Variants in CD99L2 observed in about 807,000 individuals in gnomAD.
CD99L2 encodes the protein CD99 antigen-like protein 2.
Under a neutral mutation model 27.3 loss-of-function variants are expected in CD99L2, and 24 were observed. The observed-to-expected ratio is 0.88, with a 90% CI of 0.64 to 1.24. CD99L2 has a LOEUF of 1.24. Among genes scored for constraint, CD99L2 ranks in the 50% most tolerant of loss-of-function variants. The pLI, the probability that CD99L2 is intolerant of heterozygous loss-of-function variation, is 0.00. For synonymous variants in CD99L2, 97 were observed against 87.9 expected (o/e 1.10, Z -0.58); for missense variants, 255 against 221.6 (o/e 1.15, Z -0.96).
At position 150,776,192 on chromosome X, in the gene CD99L2, ACTT is replaced by A. The variant is rs2043548850; in HGVS notation, c.634_636del (p.Lys212del). The A allele has an allele frequency of 2.5e-6, 3 of 1,211,297 alleles. No homozygotes were observed. Among genetic ancestry groups the A allele is most frequent in the South Asian group, 1.8e-5 (1 of 56,916 alleles). ...CACTTACGCTGAATGCTGAAGCAGA[ACTT>A]CTTCTGCTGGTAGGAGATGTAGCTG... On this transcript the variant is annotated inframe_deletion, in exon 9 of 11. Coordinates refer to ENST00000370377, the MANE Select transcript of CD99L2 (RefSeq NM_031462.4).
chrX:150,897,974 G>C (rs1026954984), intron 1 of CD99L2, among the ~76,000 whole-genome samples: 1 of 104,852 alleles, frequency 9.5e-6, no homozygotes, highest in Non-Finnish European at 1.9e-5. Context: ...CCTGCTCCTT[G>C]GCAAAACATG....
intron 1 of CD99L2, among the ~76,000 whole-genome samples, chrX:150,848,981 G>C (rs1416879975): frequency 9.0e-6 from 1 of 111,431 alleles, no homozygotes; most frequent in Non-Finnish European, 1.9e-5. Context: ...CGCACCAGGA[G>C]ATCCTGTCTC....
chrX:150,857,074 A>G (rs1478927994), intron 1 of CD99L2, among the ~76,000 whole-genome samples: 1 of 111,888 alleles, frequency 8.9e-6, no homozygotes, highest in Non-Finnish European at 1.9e-5. Context: ...AAAAATAAAG[A>G]AAAAAGATAA....
intron 1 of CD99L2, among the ~76,000 whole-genome samples, chrX:150,898,075 A>G (rs1557423127): frequency 2.6e-5 from 1 of 38,707 alleles, no homozygotes; most frequent in East Asian, 1.0e-3. Flanking sequence ...CCCCCCCCAC[A>G]GCCCATGCCC....
At chrX:150,814,655 A>G (rs186831362) in intron 4 of CD99L2, among the ~76,000 whole-genome samples, 110 of 112,227 alleles carry the variant, frequency 9.8e-4, no homozygotes, top group African/African-American at 3.5e-3. Context: ...GGTAAACGTG[A>G]CCCACATAAA....
At chrX:150,804,333 G>A (rs2045962907) in intron 4 of CD99L2, among the ~76,000 whole-genome samples, 1 of 112,141 alleles carries the variant, frequency 8.9e-6, no homozygotes, top group African/African-American at 3.2e-5. Context: ...AATCAAAAGG[G>A]AAATCAAAAA....
At chrX:150,770,174 GC>G in intron 10 of CD99L2, 129 bp downstream of exon 10, 1 of 608,949 alleles carries the variant, frequency 1.6e-6, no homozygotes. Flanking sequence ...ATCAGGGCAG[GC>G]TTTTGCTCTG....
chrX:150,878,625 G>T (rs140563644), intron 1 of CD99L2, among the ~76,000 whole-genome samples: 1,736 of 110,571 alleles, frequency 0.016, 42 homozygotes, highest in African/African-American at 0.055. Flanking sequence ...AGTGCAATCG[G>T]AATCCCAACG....
chrX:150,804,519 G>A (rs1263390410), intron 4 of CD99L2, among the ~76,000 whole-genome samples: 2 of 111,237 alleles, frequency 1.8e-5, no homozygotes, highest in Admixed American at 1.9e-4. Context: ...GACCATGGTG[G>A]GCAGATCACG....
intron 1 of CD99L2, among the ~76,000 whole-genome samples, chrX:150,858,472 T>A (rs1378160685): frequency 8.9e-6 from 1 of 112,873 alleles, no homozygotes; most frequent in African/African-American, 3.2e-5. Context: ...AGTCAGTGAA[T>A]CTTTTTAAAA....
At chrX:150,854,086 G>C (rs2124300621) in intron 1 of CD99L2, among the ~76,000 whole-genome samples, 1 of 110,799 alleles carries the variant, frequency 9.0e-6, no homozygotes, top group East Asian at 2.8e-4. Context: ...CATCAGCTTG[G>C]CTCTTGCAAC....
chrX:150,829,339 C>T, intron 2 of CD99L2: 2 of 327,700 alleles, frequency 6.1e-6, no homozygotes, highest in Non-Finnish European at 1.2e-5. Flanking sequence ...CACTAACAAG[C>T]ATCTTTGTAA....
chrX:150,872,823 AGGAAAG>A (rs1557422224), intron 1 of CD99L2, among the ~76,000 whole-genome samples: 1 of 112,013 alleles, frequency 8.9e-6, no homozygotes, highest in Non-Finnish European at 1.9e-5. Flanking sequence ...AATAGGAACA[AGGAAAG>A]GTATGGGAAG....
rs1557418800 is a variant in CD99L2, at chrX:150,768,595, C to G, written c.*439G>C. 1 of 126,506 alleles carries G rather than the reference C, an allele frequency of 7.9e-6. No individual in the cohort carries two copies. Among genetic ancestry groups the G allele is most frequent in the East Asian group, 2.2e-4 (1 of 4,583 alleles). The allele number at this position is 126,506 out of a possible 1,213,427, so 10.4% of individuals were successfully genotyped here. A position where few individuals can be genotyped will look rare whatever the true frequency, so the allele number is the denominator to read the frequency against. ...CCCCACCTGCAGCTCCTTGAGGCCA[C>G]TGTCAGGGGCTGTCTATTGGCAGAA... is the stretch of plus-strand genomic sequence containing the variant. On this transcript the variant is annotated 3_prime_UTR_variant, in exon 11 of 11. Transcript: ENST00000370377.
intron 7 of CD99L2, among the ~76,000 whole-genome samples, chrX:150,778,465 G>C (rs374088547): frequency 3.3e-4 from 34 of 101,685 alleles, no homozygotes; most frequent in Non-Finnish European, 6.0e-4. Flanking sequence ...CTGGCAGGGT[G>C]GGGGGGTATT....
intron 5 of CD99L2, 26 bp downstream of exon 5, chrX:150,795,392 T>C: frequency 8.3e-7 from 1 of 1,210,912 alleles, no homozygotes; most frequent in South Asian, 1.8e-5. Flanking sequence ...CTTGCCTTAC[T>C]ACTCTCCTCA....
At chrX:150,875,168 T>C (rs1457092748) in intron 1 of CD99L2, among the ~76,000 whole-genome samples, 2 of 112,177 alleles carry the variant, frequency 1.8e-5, no homozygotes, top group Non-Finnish European at 3.8e-5. Flanking sequence ...CATTATATTA[T>C]TTAATTGAAA....
intron 1 of CD99L2, among the ~76,000 whole-genome samples, chrX:150,887,796 AG>A: frequency 8.9e-6 from 1 of 112,185 alleles, no homozygotes; most frequent in Admixed American, 9.4e-5. Context: ...CGTCACAGGA[AG>A]GAACAGAAAA....
intron 4 of CD99L2, among the ~76,000 whole-genome samples, chrX:150,802,489 C>T (rs192921898): frequency 0.061 from 6,560 of 107,376 alleles, 164 homozygotes; most frequent in South Asian, 0.14. Flanking sequence ...TTGCTTGAGT[C>T]AGGGAGGTGG....
Sources: allele counts gnomAD v4.1 joint callset (sites outside exome capture counted in the v4.1 genomes callset), GRCh38; gene constraint gnomAD v4.1.1; transcripts MANE v1.5; gene names NCBI Gene and HGNC (gene_info 2026-07-23, HGNC 2026-07-21).